Variants in RIPOR2 observed in about 807,000 individuals in gnomAD.
RIPOR2 encodes the protein RHO family interacting cell polarization regulator 2, also known as rho family-interacting cell polarization regulator 2.
A neutral mutation model predicts 114.5 loss-of-function variants in RIPOR2; 39 were observed. The ratio of observed to expected loss-of-function variants is 0.34; its 90% CI spans 0.26 to 0.44. The LOEUF is 0.44. Among genes scored for constraint, RIPOR2 ranks in the 20% least tolerant of loss-of-function variants. RIPOR2 has a pLI of 1.00. For synonymous variants in RIPOR2, 445 were observed against 484.4 expected, an observed-to-expected ratio of 0.92 and a Z score of 1.07; for missense variants, 1,007 against 1,255.1, an observed-to-expected ratio of 0.80 and a Z score of 2.99.
intron 1 of RIPOR2, among the ~76,000 whole-genome samples, chr6:24,913,165 G>C (rs1478953503): frequency 6.6e-6 from 1 of 151,872 alleles, no homozygotes; most frequent in Non-Finnish European, 1.5e-5. Flanking sequence ...GTGTGTGTGT[G>C]TGTGTGTGTG....
At chr6:25,042,150 C>A (rs1450828142), upstream of RIPOR2, 2 of 457,106 alleles carry the variant, frequency 4.4e-6, no homozygotes, top group Non-Finnish European at 7.8e-6. Flanking sequence ...CCGACTGGCC[C>A]GAAGGCAGCT....
At chr6:24,986,796 C>A (rs1205350806) in intron 1 of RIPOR2, among the ~76,000 whole-genome samples, 1 of 152,120 alleles carries the variant, frequency 6.6e-6, no homozygotes, top group African/African-American at 2.4e-5. Flanking sequence ...ATTTGAAGGA[C>A]TTCTTTGTGT....
chr6:24,954,455 C>CTTTTTTTTTTTTT lies in RIPOR2; in HGVS notation c.77-78639_77-78638insAAAAAAAAAAAAA, dbSNP rs372356246. ...AACTGTGCAGGCCCAGTCTCTCTCT[C>CTTTTTTTTTTTTT]CTTTTTTTTTTTTTTTTTGAGACAG... On this transcript the variant is annotated intron_variant, in intron 1 of 13. Transcript: ENST00000510784. Among the ~76,000 whole-genome samples, 10 of 116,252 alleles carry CTTTTTTTTTTTTT rather than the reference C, an allele frequency of 8.6e-5. 3 individuals are homozygous for CTTTTTTTTTTTTT. Among genetic ancestry groups the CTTTTTTTTTTTTT allele is most frequent in the Admixed American group, 1.8e-4 (2 of 11,102 alleles). 76.3% of individuals were successfully genotyped at this position (116,252 alleles called of 152,430 possible).
At chr6:24,844,802 C>T (rs1463771580) in intron 12 of RIPOR2, among the ~76,000 whole-genome samples, 2 of 152,072 alleles carry the variant, frequency 1.3e-5, no homozygotes, top group African/African-American at 4.8e-5. Flanking sequence ...TTCTTAGATC[C>T]CAGATTCAGT....
intron 1 of RIPOR2, among the ~76,000 whole-genome samples, chr6:25,026,042 GTTGTTTTT>G (rs1323026885): frequency 6.8e-6 from 1 of 146,926 alleles, no homozygotes; most frequent in Non-Finnish European, 1.5e-5. Context: ...TACAAAGATT[GTTGTTTTT>G]TTTTTTTGTT....
At position 24,862,424 on chromosome 6, in the gene RIPOR2, G is replaced by A. The variant is rs372653138; in HGVS notation, c.652-1388C>T. ...CTTCCATTTGAATTCTGTATGCTGAGGACCTCAGCCTAGAGGTTCTGATTC... is the reference window on the plus strand; with the variant it reads ...CTTCCATTTGAATTCTGTATGCTGAAGACCTCAGCCTAGAGGTTCTGATTC... On this transcript the variant is annotated intron_variant, in intron 7 of 21. Transcript: ENST00000643898. Among the ~76,000 whole-genome samples the A allele has an allele frequency of 3.7e-4, 57 of 152,254 alleles. 1 individual carries two copies. The South Asian group carries it at 0.011, about 28-fold the overall frequency.
intron 1 of RIPOR2, among the ~76,000 whole-genome samples, chr6:24,878,324 C>T (rs1266327855): frequency 6.6e-6 from 1 of 152,090 alleles, no homozygotes; most frequent in Non-Finnish European, 1.5e-5. Flanking sequence ...TCACTGTATG[C>T]CATGCAAACT....
chr6:24,879,426 T>C (rs768917333), intron 1 of RIPOR2, among the ~76,000 whole-genome samples: 11 of 152,316 alleles, frequency 7.2e-5, no homozygotes, highest in Non-Finnish European at 1.5e-4. Flanking sequence ...GTGAGCAGTT[T>C]TGTTTTGTTT....
intron 1 of RIPOR2, among the ~76,000 whole-genome samples, chr6:25,040,192 T>A (rs1296053632): frequency 1.3e-5 from 2 of 151,860 alleles, no homozygotes; most frequent in Admixed American, 6.6e-5. Context: ...CTCCGCTCAC[T>A]GCAATCTCCG....
chr6:24,807,603 C>A (rs1052405972), intron 21 of RIPOR2, among the ~76,000 whole-genome samples: 9 of 152,250 alleles, frequency 5.9e-5, no homozygotes, highest in Non-Finnish European at 7.4e-5. Context: ...GAGCAGCTAT[C>A]CTCAAAATTG....
intron 1 of RIPOR2, among the ~76,000 whole-genome samples, chr6:24,923,487 A>G (rs934879578): frequency 2.0e-5 from 3 of 152,084 alleles, no homozygotes; most frequent in African/African-American, 7.2e-5. Context: ...CATTCCCACC[A>G]AAAGTGGCCG....
intron 1 of RIPOR2, chr6:24,948,145 C>T (rs1230768111): frequency 6.6e-6 from 1 of 152,194 alleles, no homozygotes; most frequent in Non-Finnish European, 1.5e-5. Flanking sequence ...CCTTCTATCA[C>T]TGTCAAAGCA....
intron 18 of RIPOR2, among the ~76,000 whole-genome samples, chr6:24,826,739 A>G (rs1176410733): frequency 6.6e-6 from 1 of 152,250 alleles, no homozygotes; most frequent in African/African-American, 2.4e-5. Context: ...CTTTCAAAGA[A>G]TAAGATAGAA....
intron 1 of RIPOR2, chr6:24,911,045 G>T (rs1027209449): frequency 3.2e-6 from 3 of 929,260 alleles, no homozygotes; most frequent in Non-Finnish European, 3.9e-6. Flanking sequence ...GCGGCGCGCG[G>T]GGTGAAGTTG....
At chr6:24,933,007 A>T (rs1771521076) in intron 1 of RIPOR2, among the ~76,000 whole-genome samples, 1 of 152,182 alleles carries the variant, frequency 6.6e-6, no homozygotes, top group Admixed American at 6.5e-5. Flanking sequence ...ATGAGGCTCA[A>T]AGAAGATAAA....
intron 20 of RIPOR2, among the ~76,000 whole-genome samples, chr6:24,817,976 C>CCCTTTTTTTTTTTT (rs1759311733): frequency 2.4e-5 from 2 of 84,440 alleles, no homozygotes; most frequent in Admixed American, 1.3e-4. Flanking sequence ...CTCTCTCTCT[C>CCCTTTTTTTTTTTT]TCTTTTTTTT....
chr6:24,922,218 T>A (rs2114110534), intron 1 of RIPOR2, among the ~76,000 whole-genome samples: 1 of 152,348 alleles, frequency 6.6e-6, no homozygotes, highest in Admixed American at 6.5e-5. Flanking sequence ...CATCTTCTAA[T>A]TATGCTATTC....
At chr6:24,902,894 A>C (rs752640467) in intron 1 of RIPOR2, among the ~76,000 whole-genome samples, 22 of 152,250 alleles carry the variant, frequency 1.4e-4, no homozygotes, top group Non-Finnish European at 2.8e-4. Context: ...TTTGATAGGA[A>C]TAACACAACA....
At chr6:24,990,197 T>C (rs1377816711) in intron 1 of RIPOR2, among the ~76,000 whole-genome samples, 1 of 152,252 alleles carries the variant, frequency 6.6e-6, no homozygotes, top group Non-Finnish European at 1.5e-5. Flanking sequence ...TGTAGTCATA[T>C]TGTAACATGT....
Sources: gnomAD v4.1 joint callset for allele counts (sites outside exome capture counted in the v4.1 genomes callset) on GRCh38, gnomAD v4.1.1 for gene constraint, MANE v1.5 for transcripts, NCBI Gene and HGNC (gene_info 2026-07-23, HGNC 2026-07-21) for gene names.